RBFOX1: variants seen among roughly 807,000 people sequenced by gnomAD.
RBFOX1 encodes RNA binding protein fox-1 homolog 1.
In RBFOX1, 8 loss-of-function variants were observed where a neutral mutation model predicts 57.7. The ratio of observed to expected loss-of-function variants is 0.14; its 90% CI spans 0.08 to 0.25. RBFOX1 has a LOEUF of 0.25. Ranked by LOEUF, RBFOX1 falls within the 10% of genes least tolerant of loss-of-function variation. RBFOX1 has a pLI of 1.00. For missense variants in RBFOX1, 611 were observed against 548.5 expected (o/e 1.11, Z -1.14); for synonymous variants, 326 against 222.4 (o/e 1.47, Z -4.15).
chr16:7,678,000 A>G (rs1047209719), intron 14 of RBFOX1, among the ~76,000 whole-genome samples: 2 of 152,178 alleles, frequency 1.3e-5, no homozygotes, highest in African/African-American at 2.4e-5. Flanking sequence ...AATTCTTGCA[A>G]TATAATAAAG....
At chr16:5,298,133 A>G (rs1352837970) in intron 1 of RBFOX1, among the ~76,000 whole-genome samples, 1 of 152,224 alleles carries the variant, frequency 6.6e-6, no homozygotes, top group African/African-American at 2.4e-5. Flanking sequence ...AGCCACACCT[A>G]AGTGCCCATT....
intron 2 of RBFOX1, among the ~76,000 whole-genome samples, chr16:6,477,347 T>C (rs7498702): frequency 0.22 from 33,052 of 152,220 alleles, 4,489 homozygotes; most frequent in Non-Finnish European, 0.3. Context: ...ATCAAAATTA[T>C]TCCTTGATCC....
At chr16:6,561,193 A>G (rs1365592522) in intron 2 of RBFOX1, among the ~76,000 whole-genome samples, 2 of 152,162 alleles carry the variant, frequency 1.3e-5, no homozygotes, top group East Asian at 1.9e-4. Context: ...TTCACGCCCA[A>G]GCAAATGACT....
chr16:5,299,176 C>G (rs544415752), intron 1 of RBFOX1, among the ~76,000 whole-genome samples: 4 of 151,978 alleles, frequency 2.6e-5, no homozygotes, highest in Admixed American at 2.0e-4. Context: ...TAAATGGAAT[C>G]ATATGCTATG....
chr16:6,632,730 G>A (rs1440029396), intron 2 of RBFOX1, among the ~76,000 whole-genome samples: 1 of 152,206 alleles, frequency 6.6e-6, no homozygotes, highest in Non-Finnish European at 1.5e-5. Flanking sequence ...GGAATTTATT[G>A]ATAAAGCTTA....
intron 2 of RBFOX1, among the ~76,000 whole-genome samples, chr16:5,473,511 G>C (rs529573165): frequency 2.0e-5 from 3 of 152,104 alleles, no homozygotes; most frequent in South Asian, 2.1e-4. Context: ...ACTTAGTAGA[G>C]AGTAGATAAT....
chr16:5,369,228 C>T (rs558833655), intron 1 of RBFOX1, among the ~76,000 whole-genome samples: 91 of 152,222 alleles, frequency 6.0e-4, no homozygotes, highest in Non-Finnish European at 8.8e-4. Context: ...TCTTGAACTC[C>T]TGACCTCAAG....
At chr16:5,965,396 C>T (rs1261130747) in intron 4 of RBFOX1, among the ~76,000 whole-genome samples, 5 of 152,154 alleles carry the variant, frequency 3.3e-5, no homozygotes, top group East Asian at 1.9e-4. Flanking sequence ...ATCAAAACAT[C>T]ATGAGGTACA....
chr16:5,900,432 C>G (rs2058279180), intron 4 of RBFOX1, among the ~76,000 whole-genome samples: 1 of 152,178 alleles, frequency 6.6e-6, no homozygotes, highest in African/African-American at 2.4e-5. Flanking sequence ...CCCCAAACAA[C>G]TGTGTTTCTG....
At chr16:5,709,079 A>G (rs2051356717) in intron 3 of RBFOX1, among the ~76,000 whole-genome samples, 1 of 152,198 alleles carries the variant, frequency 6.6e-6, no homozygotes, top group South Asian at 2.1e-4. Flanking sequence ...GTGAGTCATC[A>G]CATTCTACTC....
chr16:7,666,222 C>G (rs1377605656), intron 13 of RBFOX1, among the ~76,000 whole-genome samples: 3 of 152,128 alleles, frequency 2.0e-5, no homozygotes, highest in Non-Finnish European at 4.4e-5. Context: ...TGGCTCTCGA[C>G]TCCATGCAGC....
chr16:7,242,088 C>T (rs147194673), intron 4 of RBFOX1, among the ~76,000 whole-genome samples: 3 of 152,084 alleles, frequency 2.0e-5, no homozygotes, highest in Admixed American at 2.0e-4. Flanking sequence ...TGAAAAGTCA[C>T]CAGGAATTTC....
rs151308058 is a variant in RBFOX1 at position 5,273,511 on chromosome 16, C to T, written c.219+33406C>T. On this transcript the variant is annotated intron_variant, in intron 1 of 2. Transcript: ENST00000585867. ...CCTTGCATCACCTCCCTGAAGAGGG[C>T]GGGTGAAGCTTTGGTGTCTGAAGAG... Among the ~76,000 whole-genome samples, 1,527 of 152,182 alleles carry T rather than the reference C, an allele frequency of 0.01. 61 individuals carry two copies. The East Asian group carries it at 0.13, about 13-fold the overall frequency.
At chr16:6,355,829 T>G (rs2152856455) in intron 2 of RBFOX1, among the ~76,000 whole-genome samples, 1 of 152,318 alleles carries the variant, frequency 6.6e-6, no homozygotes, top group African/African-American at 2.4e-5. Context: ...TCGCCCTTCG[T>G]ATTCTATATT....
chr16:6,898,880 T>G (rs947204725), intron 3 of RBFOX1, among the ~76,000 whole-genome samples: 6 of 133,150 alleles, frequency 4.5e-5, no homozygotes, highest in African/African-American at 1.8e-4. Flanking sequence ...TGTACACGTG[T>G]ATAATACGTG....
intron 1 of RBFOX1, among the ~76,000 whole-genome samples, chr16:5,313,953 T>C (rs866924582): frequency 3.3e-5 from 5 of 152,168 alleles, no homozygotes; most frequent in Admixed American, 2.0e-4. Flanking sequence ...ATGTTTTGTG[T>C]GTCCTTTCTC....
intron 1 of RBFOX1, among the ~76,000 whole-genome samples, chr16:6,211,840 A>C (rs1282604716): frequency 2.0e-5 from 3 of 150,468 alleles, no homozygotes; most frequent in Non-Finnish European, 4.4e-5. Context: ...TTATTTATTT[A>C]TTTATTTATT....
intron 3 of RBFOX1, among the ~76,000 whole-genome samples, chr16:6,866,019 G>C (rs1603634154): frequency 6.6e-6 from 1 of 152,170 alleles, no homozygotes; most frequent in Admixed American, 6.5e-5. Flanking sequence ...ATATTGGCTA[G>C]CACATCTTTG....
intron 2 of RBFOX1, among the ~76,000 whole-genome samples, chr16:6,497,575 AAAC>A (rs1172400219): frequency 1.3e-5 from 2 of 149,338 alleles, no homozygotes; most frequent in Non-Finnish European, 1.5e-5. Flanking sequence ...AAAAAAAAAA[AAAC>A]AGAGTTTTGC....
Sources: gnomAD v4.1 joint callset for allele counts (sites outside exome capture counted in the v4.1 genomes callset) on GRCh38, gnomAD v4.1.1 for gene constraint, MANE v1.5 for transcripts, NCBI Gene and HGNC (gene_info 2026-07-23, HGNC 2026-07-21) for gene names.